Variants in MALRD1 observed in about 807,000 individuals in gnomAD.
MALRD1 encodes the protein MAM and LDL receptor class A domain containing 1, also known as MAM and LDL-receptor class A domain-containing protein 1.
In MALRD1, 247 loss-of-function variants were observed where a neutral mutation model predicts 242.1. The observed-to-expected ratio is 1.02, with a 90% CI of 0.92 to 1.13. The LOEUF is 1.13. Among genes scored for constraint, MALRD1 ranks in the 50% most tolerant of loss-of-function variants. The pLI, the probability that MALRD1 is intolerant of heterozygous loss-of-function variation, is 0.00. For missense variants in MALRD1, 2,989 were observed against 2,533.1 expected, an observed-to-expected ratio of 1.18 and a Z score of -3.86; for synonymous variants, 995 against 866.6, an observed-to-expected ratio of 1.15 and a Z score of -2.60.
At chr10:19,345,244 T>C (rs1294849186) in intron 24 of MALRD1, among the ~76,000 whole-genome samples, 1 of 149,360 alleles carries the variant, frequency 6.7e-6, no homozygotes, top group Non-Finnish European at 1.5e-5. Context: ...GATTTAGCAG[T>C]GTTTACATGA....
At chr10:19,414,176 T>C (rs907644245) in intron 28 of MALRD1, among the ~76,000 whole-genome samples, 1 of 152,142 alleles carries the variant, frequency 6.6e-6, no homozygotes. Context: ...ATTAAAATTA[T>C]GGATAAATAA....
chr10:19,439,273 G>A (rs1356982884), intron 28 of MALRD1, among the ~76,000 whole-genome samples: 1 of 152,306 alleles, frequency 6.6e-6, no homozygotes, highest in Admixed American at 6.5e-5. Flanking sequence ...GCTCTTGCCT[G>A]CAGTTCCAGC....
chr10:19,567,535 C>G lies in MALRD1; in HGVS notation c.5512C>G (p.Leu1838Val). Residue 1838 changes from leucine to valine, a missense_variant, in exon 33 of 40, where the codon CTG becomes GTG. Leu to Val is a conservative substitution (Grantham distance 32). Transcript: ENST00000454679. ...CATTGAAGAATCGGGGCTAAACATC[C>G]TGGTGTGGTCAGTGATTGGAAATAA... is the stretch of plus-strand genomic sequence containing the variant. ...YTIEESGLNILVWSVIGNKRT... is the reference protein window; with the variant it reads ...YTIEESGLNIVVWSVIGNKRT... 6.5e-7 allele frequency: 1 copy of G among 1,550,284 alleles called. No individual in the cohort carries two copies.
intron 2 of MALRD1, among the ~76,000 whole-genome samples, chr10:19,067,593 C>G (rs1307999176): frequency 6.6e-6 from 1 of 152,076 alleles, no homozygotes; most frequent in Non-Finnish European, 1.5e-5. Flanking sequence ...AGCAAATGTT[C>G]AGGCATTGGA....
intron 18 of MALRD1, among the ~76,000 whole-genome samples, chr10:19,253,727 T>G (rs72796417): frequency 0.071 from 10,848 of 151,980 alleles, 440 homozygotes; most frequent in East Asian, 0.17. Flanking sequence ...ATAGAGTATA[T>G]CCCCACCATT....
intron 31 of MALRD1, among the ~76,000 whole-genome samples, chr10:19,530,429 A>ATATTT (rs1564417489): frequency 5.1e-5 from 1 of 19,604 alleles, no homozygotes; most frequent in Non-Finnish European, 3.4e-4. Context: ...ATAAATATAT[A>ATATTT]ATATATATAA....
chr10:19,620,557 G>A (rs11010718), intron 36 of MALRD1, among the ~76,000 whole-genome samples: 16,773 of 151,918 alleles, frequency 0.11, 2,412 homozygotes, highest in African/African-American at 0.33. Flanking sequence ...ATTGATTAAT[G>A]TTAACCTGAA....
At chr10:19,693,597 C>T (rs1236876859) in intron 38 of MALRD1, among the ~76,000 whole-genome samples, 1 of 152,150 alleles carries the variant, frequency 6.6e-6, no homozygotes, top group Non-Finnish European at 1.5e-5. Context: ...AATGGAAGAA[C>T]CTTCCATGCT....
intron 18 of MALRD1, among the ~76,000 whole-genome samples, chr10:19,249,829 C>A (rs1839225531): frequency 6.6e-6 from 1 of 151,802 alleles, no homozygotes; most frequent in Admixed American, 6.6e-5. Flanking sequence ...GAACAAAAGA[C>A]AAATATGGGT....
intron 10 of MALRD1, among the ~76,000 whole-genome samples, chr10:19,142,969 G>A (rs1833603215): frequency 6.6e-6 from 1 of 152,184 alleles, no homozygotes; most frequent in Non-Finnish European, 1.5e-5. Flanking sequence ...TCTTTTACGT[G>A]TACAGGAACA....
At chr10:19,384,354 T>C (rs1044724391) in intron 26 of MALRD1, among the ~76,000 whole-genome samples, 2 of 124,698 alleles carry the variant, frequency 1.6e-5, no homozygotes, top group South Asian at 2.2e-4. Context: ...CTATATAATA[T>C]ATATTATATA....
chr10:19,719,004 A>T (rs548168027), intron 38 of MALRD1, among the ~76,000 whole-genome samples: 60 of 147,672 alleles, frequency 4.1e-4, no homozygotes, highest in African/African-American at 1.4e-3. Flanking sequence ...AGAACAATTT[A>T]AAAAAAAAAT....
chr10:19,556,453 CT>C (rs1289707609), intron 32 of MALRD1, among the ~76,000 whole-genome samples: 7 of 151,834 alleles, frequency 4.6e-5, no homozygotes, highest in Non-Finnish European at 5.9e-5. Context: ...CCCCAAAACC[CT>C]TTTTTTTACT....
At chr10:19,240,950 T>C (rs1838739361) in intron 18 of MALRD1, among the ~76,000 whole-genome samples, 1 of 152,142 alleles carries the variant, frequency 6.6e-6, no homozygotes, top group African/African-American at 2.4e-5. Flanking sequence ...TAGTGTGCTG[T>C]CGAAGTCAGT....
chr10:19,120,022 A>T (rs1380764620), intron 5 of MALRD1, among the ~76,000 whole-genome samples: 2 of 152,120 alleles, frequency 1.3e-5, no homozygotes, highest in Non-Finnish European at 2.9e-5. Context: ...ATACTGCTGG[A>T]GTGTAGAGTT....
intron 1 of MALRD1, among the ~76,000 whole-genome samples, chr10:19,060,156 T>C (rs1350339786): frequency 6.6e-6 from 1 of 152,112 alleles, no homozygotes; most frequent in Non-Finnish European, 1.5e-5. Flanking sequence ...CTTTTGTGTG[T>C]TTGTGTGCAT....
chr10:19,670,625 A>T (rs1193864783), intron 36 of MALRD1, among the ~76,000 whole-genome samples: 1 of 152,192 alleles, frequency 6.6e-6, no homozygotes, highest in African/African-American at 2.4e-5. Flanking sequence ...GAAAGAGTTG[A>T]CCACACTGCT....
intron 2 of MALRD1, among the ~76,000 whole-genome samples, chr10:19,071,075 T>A (rs1348834176): frequency 6.6e-6 from 1 of 151,926 alleles, no homozygotes; most frequent in East Asian, 1.9e-4. Context: ...GGTCTCAAAC[T>A]CCTGGCCTCA....
chr10:19,129,181 C>T (rs905829421), intron 8 of MALRD1, among the ~76,000 whole-genome samples: 4 of 152,026 alleles, frequency 2.6e-5, no homozygotes, highest in African/African-American at 9.7e-5. Flanking sequence ...CAAGACTACC[C>T]CTACTTCAGA....
Sources: gnomAD v4.1 joint callset for allele counts (sites outside exome capture counted in the v4.1 genomes callset) on GRCh38, gnomAD v4.1.1 for gene constraint, MANE v1.5 for transcripts, NCBI Gene and HGNC (gene_info 2026-07-23, HGNC 2026-07-21) for gene names.